SERTAD2: variants seen among roughly 807,000 people sequenced by gnomAD.
The protein encoded by SERTAD2 is SERTA domain-containing protein 2.
A neutral mutation model predicts 15.4 loss-of-function variants in SERTAD2; 2 were observed. The observed-to-expected ratio is 0.13, with a 90% CI of 0.05 to 0.41. SERTAD2 has a LOEUF of 0.41. SERTAD2 is among the 10% of genes least tolerant of loss of function. The pLI, the probability that SERTAD2 is intolerant of heterozygous loss-of-function variation, is 0.99. For missense variants in SERTAD2, 333 were observed against 409.7 expected, an observed-to-expected ratio of 0.81 and a Z score of 1.62; for synonymous variants, 180 against 178.0, an observed-to-expected ratio of 1.01 and a Z score of -0.09.
rs763053777 is a variant in SERTAD2, at chr2:64,633,984, T to C, written c.*1943A>G. The C allele has an allele frequency of 1.3e-5, 2 of 152,748 alleles. No homozygotes were observed. The highest frequency in any genetic ancestry group is 4.1e-4 in the South Asian group (2 of 4,830). The allele number at this position is 152,748 out of a possible 1,614,324, so 9.5% of individuals were successfully genotyped here. On this transcript the variant is annotated 3_prime_UTR_variant, in exon 2 of 2. Transcript: ENST00000313349. The stretch of plus-strand genomic sequence containing the variant: ...TGTGCATTACAAAAATAAAACTAAC[T>C]ATGGCTTGCTTAAAGTGCCATTTTA...
At position 64,632,502 on chromosome 2, in the gene SERTAD2, ACTG is replaced by A. The variant is rs1332261039; in HGVS notation, c.*3422_*3424del. On this transcript the variant is annotated 3_prime_UTR_variant, in exon 2 of 2. Coordinates refer to ENST00000313349, the MANE Select transcript of SERTAD2 (RefSeq NM_014755.3). ...GAGAGGTGCAGAGGAGGCTCTGGCC[ACTG>A]CTCACCCTTTGGTATGAACAAGGGT... is the stretch of plus-strand genomic sequence containing the variant. The A allele has an allele frequency of 6.6e-6, 1 of 152,628 alleles. No individual in the cohort carries two copies. Among genetic ancestry groups the A allele is most frequent in the Non-Finnish European group, 1.5e-5 (1 of 68,040 alleles). The allele number at this position is 152,628 out of a possible 1,614,324, so 9.5% of individuals were successfully genotyped here.
In SERTAD2 at chr2:64,636,464, G is replaced by A. The variant is rs767693897; in HGVS notation, c.408C>T (p.Leu136=). The change falls in exon 2 of 2, where the codon CTC becomes CTT. Residue 136 remains leucine (L), a synonymous_variant. Transcript: ENST00000313349. ...TGCAAAACGTGTCATCGTCGTCCTCGAGCAGTGAGGCCGGGGTGAGGCAGG... is the reference window on the plus strand; with the variant it reads ...TGCAAAACGTGTCATCGTCGTCCTCAAGCAGTGAGGCCGGGGTGAGGCAGG... ...LEACLTPASL[L]EDDDDTFCTS... is the part of the protein sequence containing the mutation. The A allele has an allele frequency of 9.9e-6, 16 of 1,613,924 alleles. No individual in the cohort carries two copies. Among genetic ancestry groups the A allele is most frequent in the South Asian group, 6.6e-5 (6 of 91,082 alleles).
rs185154707 is a variant in SERTAD2, at chr2:64,634,392, G to A, written c.*1535C>T. The A allele has an allele frequency of 1.4e-5, 2 of 138,326 alleles. No homozygotes were observed. Among genetic ancestry groups the A allele is most frequent in the African/African-American group, 5.3e-5 (2 of 37,982 alleles). 8.6% of individuals were successfully genotyped at this position (138,326 alleles called of 1,614,324 possible). On this transcript the variant is annotated 3_prime_UTR_variant, in exon 2 of 2. Coordinates refer to ENST00000313349, the MANE Select transcript of SERTAD2 (RefSeq NM_014755.3). ...GATAAGGTGATGGGGGGGGGAATTGGGGGGAGGAGGGAAAACATGCATAGA... is the reference window on the plus strand; with the variant it reads ...GATAAGGTGATGGGGGGGGGAATTGAGGGGAGGAGGGAAAACATGCATAGA...
chr2:64,644,567 G>T (rs1460027378), intron 1 of SERTAD2: 1 of 152,266 alleles, frequency 6.6e-6, no homozygotes, highest in African/African-American at 2.4e-5. Flanking sequence ...TGTTTGCTTA[G>T]ACAACTTTCT....
chr2:64,639,297 A>G (rs1197281196), intron 1 of SERTAD2, among the ~76,000 whole-genome samples: 1 of 152,256 alleles, frequency 6.6e-6, no homozygotes, highest in African/African-American at 2.4e-5. Context: ...TTCTACAGCA[A>G]ATTTACACAG....
Position 64,636,291 on chromosome 2 carries a change from T to C in SERTAD2, c.581A>G (p.Asp194Gly). The change falls in exon 2 of 2, where the codon GAC (aspartate) becomes GGC (glycine). Residue 194 changes from aspartate to glycine, a missense_variant. This residue lies in a region of SERTAD2 where 332 missense variants were observed against 392.9 expected (regional missense o/e 0.84). Coordinates refer to ENST00000313349, the MANE Select transcript of SERTAD2 (RefSeq NM_014755.3). ...CTCGCTGGAGGTCCCTTTCACACTG[T>C]CAGTCGCAGCCGTGGCCGCCTCTGT... ...TSTEAATAAT[D>G]SVKGTSSEAG... The C allele has an allele frequency of 6.2e-7, 1 of 1,614,192 alleles. No individual in the cohort carries two copies. Among genetic ancestry groups the C allele is most frequent in the Non-Finnish European group, 8.5e-7 (1 of 1,180,034 alleles).
At chr2:64,650,455 A>T (rs943983016) in intron 1 of SERTAD2, among the ~76,000 whole-genome samples, 2 of 152,152 alleles carry the variant, frequency 1.3e-5, no homozygotes, top group Non-Finnish European at 2.9e-5. Context: ...TCATACAAAG[A>T]ATGAACTGCC....
chr2:64,652,771 T>C (rs1355858851), intron 1 of SERTAD2, among the ~76,000 whole-genome samples: 1 of 152,074 alleles, frequency 6.6e-6, no homozygotes, highest in Non-Finnish European at 1.5e-5. Flanking sequence ...CTATACCTGA[T>C]ATTTTCGTGA....
intron 1 of SERTAD2, among the ~76,000 whole-genome samples, chr2:64,652,134 A>G (rs1053149672): frequency 2.0e-5 from 3 of 152,206 alleles, no homozygotes; most frequent in African/African-American, 7.2e-5. Context: ...AAGAAAAAAA[A>G]CCCTGAAAAA....
chr2:64,646,631 C>T (rs958958277), intron 1 of SERTAD2: 1 of 152,190 alleles, frequency 6.6e-6, no homozygotes, highest in Non-Finnish European at 1.5e-5. Context: ...ATTCAGGTAT[C>T]CACAGGACAC....
intron 1 of SERTAD2, among the ~76,000 whole-genome samples, chr2:64,645,320 G>A (rs1674878183): frequency 6.6e-6 from 1 of 152,130 alleles, no homozygotes; most frequent in Non-Finnish European, 1.5e-5. Context: ...TGTGCAAGAT[G>A]AGACCCTGCA....
At chr2:64,644,604 A>C (rs1380850352) in intron 1 of SERTAD2, 5 of 152,250 alleles carry the variant, frequency 3.3e-5, no homozygotes, top group African/African-American at 1.2e-4. Flanking sequence ...ACCTTAAACA[A>C]CACACTGGAC....
intron 1 of SERTAD2, among the ~76,000 whole-genome samples, chr2:64,648,791 C>G (rs1480126894): frequency 1.3e-5 from 2 of 152,108 alleles, no homozygotes; most frequent in African/African-American, 4.8e-5. Flanking sequence ...AGCTAAGAAT[C>G]ACTGCCAGTG....
At chr2:64,651,840 G>A (rs562203318) in intron 1 of SERTAD2, among the ~76,000 whole-genome samples, 4 of 152,306 alleles carry the variant, frequency 2.6e-5, no homozygotes, top group Non-Finnish European at 5.9e-5. Flanking sequence ...TTTACAAAAT[G>A]TGAGTCCTCT....
rs1172882338 is a variant in SERTAD2 at position 64,638,048 on chromosome 2, C to A, written c.-4-1173G>T. Among the ~76,000 whole-genome samples the A allele has an allele frequency of 2.6e-5, 4 of 152,214 alleles. No homozygotes were observed. The South Asian group carries it at 6.2e-4, about 24-fold the overall frequency. On this transcript the variant is annotated intron_variant, in intron 1 of 1. Transcript: ENST00000313349. Reference sequence around the variant, plus strand: ...AACAAGAAACCTGTCTTTTGGTGTTCGGACCAGGATCGTGGTTCGAATGAA... The same window carrying A: ...AACAAGAAACCTGTCTTTTGGTGTTAGGACCAGGATCGTGGTTCGAATGAA...
At chr2:64,645,108 T>C (rs1037382904) in intron 1 of SERTAD2, 1 of 150,996 alleles carries the variant, frequency 6.6e-6, no homozygotes, top group Non-Finnish European at 1.5e-5. Flanking sequence ...TCCATGCTAA[T>C]TGGTAAGTAA....
Position 64,648,873 on chromosome 2 carries a change from AG to A in SERTAD2, c.-5+4746del, listed in dbSNP as rs3836060. 2.6e-5 allele frequency among the ~76,000 whole-genome samples: 4 copies of A among 152,254 alleles called. No homozygotes were observed. In the East Asian group the frequency reaches 7.7e-4, roughly 29 times the overall value. ...AAAATTAGTTTGCCTTAAAAAGTTC[AG>A]AAAAGACCACCAAGTTCCTGACAAG... On this transcript the variant is annotated intron_variant, in intron 1 of 1. Coordinates refer to ENST00000313349, the MANE Select transcript of SERTAD2 (RefSeq NM_014755.3).
At chr2:64,637,549 T>C (rs1036714049) in intron 1 of SERTAD2, among the ~76,000 whole-genome samples, 2 of 152,224 alleles carry the variant, frequency 1.3e-5, no homozygotes, top group Non-Finnish European at 2.9e-5. Flanking sequence ...GGAATGCGTA[T>C]GTCCCAGCCT....
rs1674537715 is a variant in SERTAD2 at position 64,631,666 on chromosome 2, G to A, written c.*4261C>T. Reference sequence around the variant, plus strand: ...GTATAATATAAAACTACAAAAGTAAGACTGCTCATTTCCATGTACATTTAA... The same window carrying A: ...GTATAATATAAAACTACAAAAGTAAAACTGCTCATTTCCATGTACATTTAA... On this transcript the variant is annotated 3_prime_UTR_variant, in exon 2 of 2. Coordinates refer to ENST00000313349, the MANE Select transcript of SERTAD2 (RefSeq NM_014755.3). The A allele has an allele frequency of 6.6e-6, 1 of 152,628 alleles. No individual in the cohort carries two copies. Among genetic ancestry groups the A allele is most frequent in the African/African-American group, 2.4e-5 (1 of 41,440 alleles). The allele number at this position is 152,628 out of a possible 1,614,324, so 9.5% of individuals were successfully genotyped here.
Sources: allele counts gnomAD v4.1 joint callset (sites outside exome capture counted in the v4.1 genomes callset), GRCh38; gene constraint gnomAD v4.1.1; regional missense constraint gnomAD v4.1.1; transcripts MANE v1.5; gene names NCBI Gene and HGNC (gene_info 2026-07-23, HGNC 2026-07-21).